RBFOX1: variants seen among roughly 807,000 people sequenced by gnomAD.
RBFOX1 encodes RNA binding protein fox-1 homolog 1.
In RBFOX1, 8 loss-of-function variants were observed where a neutral mutation model predicts 57.7. That is an observed-to-expected ratio of 0.14 (90% CI 0.08 to 0.25). RBFOX1 has a LOEUF of 0.25. RBFOX1 is among the 10% of genes least tolerant of loss of function. The pLI, the probability that RBFOX1 is intolerant of heterozygous loss-of-function variation, is 1.00. For missense variants in RBFOX1, 611 were observed against 548.5 expected, an observed-to-expected ratio of 1.11 and a Z score of -1.14; for synonymous variants, 326 against 222.4, an observed-to-expected ratio of 1.47 and a Z score of -4.15.
intron 4 of RBFOX1, among the ~76,000 whole-genome samples, chr16:5,935,871 T>G (rs2059157710): frequency 6.6e-6 from 1 of 152,086 alleles, no homozygotes; most frequent in African/African-American, 2.4e-5. Flanking sequence ...ATATCCTGGT[T>G]GTTGGCTGAA....
intron 4 of RBFOX1, among the ~76,000 whole-genome samples, chr16:5,921,593 A>T (rs1215927527): frequency 1.3e-5 from 2 of 152,166 alleles, no homozygotes; most frequent in African/African-American, 2.4e-5. Context: ...AATGAAGGGG[A>T]TGAGAAATAG....
chr16:5,321,819 A>G (rs1302663096), intron 1 of RBFOX1, among the ~76,000 whole-genome samples: 2 of 152,144 alleles, frequency 1.3e-5, no homozygotes, highest in Non-Finnish European at 2.9e-5. Flanking sequence ...CATGACGACC[A>G]GAGTCTGGGG....
At chr16:6,543,904 A>T (rs2096858682) in intron 2 of RBFOX1, among the ~76,000 whole-genome samples, 1 of 152,204 alleles carries the variant, frequency 6.6e-6, no homozygotes, top group South Asian at 2.1e-4. Context: ...CGAGATAGAA[A>T]GGCCATCTTG....
chr16:5,508,331 T>C (rs1454424083), intron 2 of RBFOX1, among the ~76,000 whole-genome samples: 1 of 152,124 alleles, frequency 6.6e-6, no homozygotes, highest in Non-Finnish European at 1.5e-5. Context: ...CTCAGCTCCT[T>C]GCCAACTACC....
At chr16:7,105,367 G>A (rs1269920679) in intron 4 of RBFOX1, among the ~76,000 whole-genome samples, 3 of 151,170 alleles carry the variant, frequency 2.0e-5, no homozygotes, top group Non-Finnish European at 4.4e-5. Flanking sequence ...GGAACGGGTG[G>A]TGTTTGGTTA....
chr16:7,271,410 A>T (rs1603465869), intron 4 of RBFOX1, among the ~76,000 whole-genome samples: 1 of 151,584 alleles, frequency 6.6e-6, no homozygotes, highest in African/African-American at 2.4e-5. Context: ...TACATCTAAA[A>T]ATGATCCTTT....
At chr16:6,168,629 G>A (rs544509916) in intron 1 of RBFOX1, among the ~76,000 whole-genome samples, 1 of 152,210 alleles carries the variant, frequency 6.6e-6, no homozygotes, top group East Asian at 1.9e-4. Context: ...TCGCTGCTAA[G>A]ACCTTTAGAA....
chr16:6,079,811 G>C (rs565022421), intron 1 of RBFOX1, among the ~76,000 whole-genome samples: 15 of 152,250 alleles, frequency 9.9e-5, no homozygotes, highest in African/African-American at 2.9e-4. Flanking sequence ...ACTCCAGCCT[G>C]GGCAACAAAG....
intron 1 of RBFOX1, among the ~76,000 whole-genome samples, chr16:5,249,600 G>T (rs1465251850): frequency 6.6e-6 from 1 of 152,144 alleles, no homozygotes; most frequent in Non-Finnish European, 1.5e-5. Context: ...GGGTCTATGT[G>T]GTCTGAGTAT....
intron 2 of RBFOX1, among the ~76,000 whole-genome samples, chr16:5,552,743 T>G (rs1412866789): frequency 6.6e-6 from 1 of 152,080 alleles, no homozygotes; most frequent in African/African-American, 2.4e-5. Flanking sequence ...CAGTGGTGAG[T>G]AATGGCTTCC....
At chr16:5,745,042 C>T (rs557781129) in intron 3 of RBFOX1, among the ~76,000 whole-genome samples, 1 of 152,286 alleles carries the variant, frequency 6.6e-6, no homozygotes, top group East Asian at 1.9e-4. Context: ...GTGCTGTACC[C>T]ATTAACTTGT....
chr16:7,275,180 G>C (rs1315308348), intron 4 of RBFOX1, among the ~76,000 whole-genome samples: 1 of 152,016 alleles, frequency 6.6e-6, no homozygotes, highest in Admixed American at 6.5e-5. Flanking sequence ...GAGGGAGAGA[G>C]GAAGGGAGAA....
At chr16:7,495,479 C>T (rs188197845) in intron 4 of RBFOX1, among the ~76,000 whole-genome samples, 2 of 152,308 alleles carry the variant, frequency 1.3e-5, no homozygotes, top group African/African-American at 2.4e-5. Flanking sequence ...TCACCAGCAT[C>T]TATTGTTTTT....
At chr16:6,712,208 C>T (rs1253254906) in intron 3 of RBFOX1, among the ~76,000 whole-genome samples, 1 of 152,172 alleles carries the variant, frequency 6.6e-6, no homozygotes, top group Non-Finnish European at 1.5e-5. Context: ...GCTGTTTCAG[C>T]TATGGTCAGC....
chr16:6,128,072 T>G (rs1485779147), intron 1 of RBFOX1, among the ~76,000 whole-genome samples: 3 of 152,164 alleles, frequency 2.0e-5, no homozygotes, highest in Non-Finnish European at 4.4e-5. Flanking sequence ...TTCTGAATAC[T>G]TGAAATGTAG....
intron 3 of RBFOX1, among the ~76,000 whole-genome samples, chr16:6,872,002 A>G (rs922366557): frequency 6.6e-6 from 1 of 150,550 alleles, no homozygotes; most frequent in African/African-American, 2.5e-5. Flanking sequence ...AACCCTTTGT[A>G]TACTCAATCC....
intron 3 of RBFOX1, among the ~76,000 whole-genome samples, chr16:6,783,310 C>G (rs550638606): frequency 4.7e-5 from 7 of 150,268 alleles, no homozygotes; most frequent in East Asian, 2.0e-4. Context: ...TGTTAGTTCT[C>G]TCTTCCTTTT....
intron 11 of RBFOX1, among the ~76,000 whole-genome samples, chr16:7,639,882 T>G (rs2062471580): frequency 6.6e-6 from 1 of 152,134 alleles, no homozygotes. Flanking sequence ...CACTTATCTA[T>G]TTATGAACAA....
chr16:7,221,800 G>A (rs1403632625), intron 4 of RBFOX1, among the ~76,000 whole-genome samples: 3 of 152,144 alleles, frequency 2.0e-5, no homozygotes, highest in Non-Finnish European at 2.9e-5. Flanking sequence ...TTTTACAAGC[G>A]AGATCTAAGA....
Sources: gnomAD v4.1 joint callset for allele counts (sites outside exome capture counted in the v4.1 genomes callset) on GRCh38, gnomAD v4.1.1 for gene constraint, MANE v1.5 for transcripts, NCBI Gene and HGNC (gene_info 2026-07-23, HGNC 2026-07-21) for gene names.